Variants in UNC13C observed in about 807,000 individuals in gnomAD.
UNC13C encodes unc-13 homolog C.
In UNC13C, 174 loss-of-function variants were observed where a neutral mutation model predicts 245.4. That is an observed-to-expected ratio of 0.71 (90% confidence interval 0.63 to 0.80). The LOEUF is 0.80. Ranked by LOEUF, UNC13C falls within the 30% of genes least tolerant of loss-of-function variation. The pLI is 0.00. For synonymous variants in UNC13C, 992 were observed against 895.1 expected, an observed-to-expected ratio of 1.11 and a Z score of -1.93; for missense variants, 2,829 against 2,602.9, an observed-to-expected ratio of 1.09 and a Z score of -1.89.
chr15:54,061,713 A>ATAAAACCTT (rs1897844751), intron 2 of UNC13C, among the ~76,000 whole-genome samples: 1 of 152,202 alleles, frequency 6.6e-6, no homozygotes, highest in Non-Finnish European at 1.5e-5. Context: ...CTCTCATTCT[A>ATAAAACCTT]TAAAACCTTT....
At chr15:54,276,466 T>G (rs1328048761) in intron 10 of UNC13C, among the ~76,000 whole-genome samples, 1 of 152,128 alleles carries the variant, frequency 6.6e-6, no homozygotes, top group East Asian at 1.9e-4. Flanking sequence ...TCAGTGATCC[T>G]GACCACCACC....
intron 30 of UNC13C, among the ~76,000 whole-genome samples, chr15:54,608,307 T>G (rs1025667864): frequency 1.3e-5 from 2 of 152,198 alleles, no homozygotes; most frequent in African/African-American, 4.8e-5. Context: ...CAGTGTCACC[T>G]CATTTTGTCC....
chr15:54,250,134 A>T, intron 7 of UNC13C, 91 bp from the exon 8 acceptor site: 1 of 1,246,156 alleles, frequency 8.0e-7, no homozygotes, highest in Non-Finnish European at 1.1e-6. Context: ...TACCATTTTC[A>T]GAGAAAAGTG....
rs2036113101 is a variant in UNC13C, at chr15:54,250,357, AT to A, written c.3363del (p.Ile1121MetfsTer6). ...CYECEGLLWG[I>X]ARQGMKCLEC... ...TGAGTGTGAAGGGCTCCTGTGGGGC[AT>A]TGCAAGGCAAGGCATGAAGTGTCTG... On this transcript the variant is annotated frameshift_variant, in exon 8 of 33. Coordinates refer to ENST00000260323, the MANE Select transcript of UNC13C (RefSeq NM_001080534.3). LOFTEE classifies it high-confidence loss of function. 6.2e-7 allele frequency: 1 copy of A among 1,613,832 alleles called. No individual in the cohort carries two copies. Among genetic ancestry groups the A allele is most frequent in the Admixed American group, 1.7e-5 (1 of 59,994 alleles).
chr15:53,841,270 A>G, the UNC13C span, among the ~76,000 whole-genome samples: 1 of 152,106 alleles, frequency 6.6e-6, no homozygotes, highest in African/African-American at 2.4e-5. Context: ...ATTTAATACC[A>G]GTTTATTTGA....
chr15:53,977,488 C>G (rs954733439), upstream of UNC13C, among the ~76,000 whole-genome samples: 1 of 152,148 alleles, frequency 6.6e-6, no homozygotes, highest in Non-Finnish European at 1.5e-5. Context: ...GCTTCCTATA[C>G]TGTTTAACCA....
intron 7 of UNC13C, among the ~76,000 whole-genome samples, chr15:54,248,801 A>G (rs140223378): frequency 9.9e-5 from 15 of 152,242 alleles, no homozygotes; most frequent in African/African-American, 3.6e-4. Flanking sequence ...AATTAGAAAC[A>G]TTTTTACTGA....
intron 2 of UNC13C, among the ~76,000 whole-genome samples, chr15:54,055,474 G>A (rs921752298): frequency 2.6e-4 from 40 of 152,044 alleles, no homozygotes; most frequent in African/African-American, 8.9e-4. Context: ...TACAAAACAA[G>A]CAAGTGCTAT....
Position 54,043,811 on chromosome 15 carries a change from A to G in UNC13C, c.2983+27925A>G, listed in dbSNP as rs192370492. Among the ~76,000 whole-genome samples the G allele has an allele frequency of 1.4e-4, 22 of 152,258 alleles. No individual in the cohort carries two copies. In the East Asian group the frequency reaches 4.1e-3, roughly 28 times the overall value. On this transcript the variant is annotated intron_variant, in intron 2 of 32. Coordinates refer to ENST00000260323, the MANE Select transcript of UNC13C (RefSeq NM_001080534.3). ...ATACTCTTGGGTCCTGGTTTGATAG[A>G]TGGCTCTATTGACAGGTGGCATTAT...
chr15:53,866,553 T>G, the UNC13C span, among the ~76,000 whole-genome samples: 1 of 152,130 alleles, frequency 6.6e-6, no homozygotes, highest in Admixed American at 6.5e-5. Context: ...GCAATTTGGG[T>G]TCAAGAATAG....
At chr15:53,974,776 A>G (rs947367444), upstream of UNC13C, 3 of 151,132 alleles carry the variant, frequency 2.0e-5, no homozygotes, top group Non-Finnish European at 4.4e-5. Context: ...AACATTTATT[A>G]TCTCACAGTT....
In UNC13C at chr15:54,620,659, A is replaced by G. The variant is rs115006927; in HGVS notation, c.6107-1668A>G. On this transcript the variant is annotated intron_variant, in intron 30 of 32. Coordinates refer to ENST00000260323, the MANE Select transcript of UNC13C (RefSeq NM_001080534.3). ...GGGAGGCCCAGGCATGGCGGTCCAT[A>G]CTTCTAGTCCCAGGTACTTGGGAAG... 9.0e-3 allele frequency among the ~76,000 whole-genome samples: 1,365 copies of G among 152,012 alleles called. 18 individuals carry two copies. Among genetic ancestry groups the G allele is most frequent in the African/African-American group, 0.03 (1,263 of 41,448 alleles).
chr15:54,196,302 C>T (rs1389624727), intron 4 of UNC13C, among the ~76,000 whole-genome samples: 1 of 151,032 alleles, frequency 6.6e-6, no homozygotes, highest in Non-Finnish European at 1.5e-5. Flanking sequence ...GCTGATCTCA[C>T]AAGCCCAGAT....
intron 17 of UNC13C, among the ~76,000 whole-genome samples, chr15:54,345,408 G>A (rs1452432597): frequency 1.3e-5 from 2 of 152,078 alleles, no homozygotes; most frequent in South Asian, 4.2e-4. Context: ...GGGTCATGTG[G>A]CAGGATCCCA....
chr15:54,238,848 G>A (rs375914825), intron 7 of UNC13C, among the ~76,000 whole-genome samples: 81 of 152,268 alleles, frequency 5.3e-4, no homozygotes, highest in Middle Eastern at 3.4e-3. Flanking sequence ...TTAGGTCAGG[G>A]ATTCTTAAAT....
Position 54,103,020 on chromosome 15 carries a change from A to G in UNC13C, c.2984-39998A>G, listed in dbSNP as rs559506494. Among the ~76,000 whole-genome samples the G allele has an allele frequency of 5.9e-5, 9 of 152,330 alleles. 1 individual carries two copies. In the South Asian group the frequency reaches 1.7e-3, roughly 28 times the overall value. On this transcript the variant is annotated intron_variant, in intron 2 of 32. Coordinates refer to ENST00000260323, the MANE Select transcript of UNC13C (RefSeq NM_001080534.3). ...CATGACAGTCATTTTTCTGGAAGGA[A>G]GGTAGATTTTGTCCTCTGTGACTGA...
chr15:54,267,708 A>G lies in UNC13C; in HGVS notation c.3818+2212A>G, dbSNP rs528837338. On this transcript the variant is annotated intron_variant, in intron 10 of 32. Transcript: ENST00000260323. ...TGCTTTTAAAATATTTTTTCAACTC[A>G]TTTGTACAATTGGTTTATGATTTCA... 4.6e-5 allele frequency among the ~76,000 whole-genome samples: 7 copies of G among 151,910 alleles called. No homozygotes were observed. In the East Asian group the frequency reaches 1.4e-3, roughly 29 times the overall value.
intron 1 of UNC13C, among the ~76,000 whole-genome samples, chr15:53,999,513 C>T (rs566689169): frequency 6.6e-6 from 1 of 151,758 alleles, no homozygotes; most frequent in South Asian, 2.1e-4. Flanking sequence ...TTCTTATTTT[C>T]TTCATCAATT....
At position 54,015,584 on chromosome 15, in the gene UNC13C, G is replaced by C. The variant is rs200592386; in HGVS notation, c.2681G>C (p.Ser894Thr). Residue 894 changes from serine to threonine, a missense_variant, in exon 2 of 33, where the codon AGT (serine) becomes ACT (threonine). Coordinates refer to ENST00000260323, the MANE Select transcript of UNC13C (RefSeq NM_001080534.3). The part of the protein sequence containing the change: ...QVLAKLENRT[S>T]ITETDEQMQA... ...CTTGCTAAACTAGAAAACAGGACTA[G>C]TATTACTGAAACAGATGAACAAATG... 7 of 1,613,800 alleles carry C rather than the reference G, an allele frequency of 4.3e-6. No individual in the cohort carries two copies. The African/African-American group carries it at 6.7e-5, about 15-fold the overall frequency.
Sources: gnomAD v4.1 joint callset for allele counts (sites outside exome capture counted in the v4.1 genomes callset) on GRCh38, gnomAD v4.1.1 for gene constraint, MANE v1.5 for transcripts, NCBI Gene and HGNC (gene_info 2026-07-23, HGNC 2026-07-21) for gene names.